The following HSPA12A variants were observed in gnomAD, a reference collection of about 807,000 sequenced individuals.
HSPA12A encodes the protein heat shock 70 kDa protein 12A.
Under a neutral mutation model 69.2 loss-of-function variants are expected in HSPA12A, and 28 were observed. The observed-to-expected ratio is 0.40, with a 90% CI of 0.30 to 0.55. HSPA12A has a LOEUF of 0.55. Ranked by LOEUF, HSPA12A falls within the 20% of genes least tolerant of loss-of-function variation. HSPA12A has a pLI of 0.38. For synonymous variants in HSPA12A, 345 were observed against 370.5 expected, an observed-to-expected ratio of 0.93 and a Z score of 0.79; for missense variants, 686 against 900.7, an observed-to-expected ratio of 0.76 and a Z score of 3.05.
chr10:116,747,856 G>A, intron 2 of HSPA12A, among the ~76,000 whole-genome samples: 1 of 152,034 alleles, frequency 6.6e-6, no homozygotes, highest in South Asian at 2.1e-4. Context: ...AAAATTAGCT[G>A]GGCATGGTGG....
chr10:116,764,729 A>T (rs1384713107), intron 2 of HSPA12A, among the ~76,000 whole-genome samples: 1 of 152,198 alleles, frequency 6.6e-6, no homozygotes, highest in Non-Finnish European at 1.5e-5. Flanking sequence ...ATTTAAATCC[A>T]AAGGGTTTTT....
intron 2 of HSPA12A, among the ~76,000 whole-genome samples, chr10:116,768,030 A>C (rs993860068): frequency 6.6e-6 from 1 of 152,212 alleles, no homozygotes; most frequent in Non-Finnish European, 1.5e-5. Context: ...CAAAAATCTA[A>C]GTTTACACAG....
At chr10:116,781,516 A>AG (rs1844463263) in intron 2 of HSPA12A, among the ~76,000 whole-genome samples, 1 of 152,028 alleles carries the variant, frequency 6.6e-6, no homozygotes, top group African/African-American at 2.4e-5. Context: ...AGGAGTGGGG[A>AG]GGGGTGGTGC....
intron 1 of HSPA12A, among the ~76,000 whole-genome samples, chr10:116,731,668 A>C (rs1462206333): frequency 2.0e-5 from 3 of 152,206 alleles, no homozygotes; most frequent in African/African-American, 7.2e-5. Context: ...CCTCACCTAG[A>C]AATTCTTTAC....
rs565817824 is a variant in HSPA12A, at chr10:116,734,865, G to A, written c.40+7565C>T. Reference sequence around the variant, plus strand: ...AAATTAGCCAGGCGTGGTGGTGGGCGAGTGTAGTCCCAGCTACTCGGGAGG... The same window carrying A: ...AAATTAGCCAGGCGTGGTGGTGGGCAAGTGTAGTCCCAGCTACTCGGGAGG... On this transcript the variant is annotated intron_variant, in intron 1 of 11. Coordinates refer to ENST00000369209, the MANE Select transcript of HSPA12A (RefSeq NM_025015.3). Among the ~76,000 whole-genome samples, 58 of 151,898 alleles carry A rather than the reference G, an allele frequency of 3.8e-4. 1 individual carries two copies. In the East Asian group the frequency reaches 9.8e-3, roughly 26 times the overall value.
At chr10:116,826,174 C>T (rs539912406) in intron 2 of HSPA12A, among the ~76,000 whole-genome samples, 31 of 152,244 alleles carry the variant, frequency 2.0e-4, no homozygotes, top group Admixed American at 1.4e-3. Context: ...GGGAAGCCTC[C>T]CCCGCCTCCC....
At chr10:116,730,461 G>C (rs1554885569) in intron 1 of HSPA12A, among the ~76,000 whole-genome samples, 2 of 152,190 alleles carry the variant, frequency 1.3e-5, no homozygotes, top group African/African-American at 4.8e-5. Flanking sequence ...CCCAGGCATG[G>C]GGTGTTGAGT....
At chr10:116,688,876 C>T (rs1406157310) in intron 6 of HSPA12A, among the ~76,000 whole-genome samples, 2 of 152,202 alleles carry the variant, frequency 1.3e-5, no homozygotes, top group African/African-American at 4.8e-5. Context: ...AGCTTCAGAA[C>T]AGTCTCCAGT....
At position 116,676,421 on chromosome 10, in the gene HSPA12A, G is replaced by A. The variant is rs781955087; in HGVS notation, c.1368C>T (p.Ile456=). Residue 456 remains isoleucine (I), a synonymous_variant, in exon 11 of 12, where the codon ATC becomes ATT. Coordinates refer to ENST00000369209, the MANE Select transcript of HSPA12A (RefSeq NM_025015.3). ...DAMNALFKPT[I]DSIIEHLRDL... Reference sequence around the variant, plus strand: ...TACGGAGATGCTCAATGATGCTATCGATGGTCGGCTTAAAAAGGGCGTTCA... The same window carrying A: ...TACGGAGATGCTCAATGATGCTATCAATGGTCGGCTTAAAAAGGGCGTTCA... 2.5e-6 allele frequency: 4 copies of A among 1,613,864 alleles called. No individual in the cohort carries two copies. The highest frequency in any genetic ancestry group is 3.4e-6 in the Non-Finnish European group (4 of 1,179,938).
intron 1 of HSPA12A, among the ~76,000 whole-genome samples, chr10:116,727,959 G>C (rs930607963): frequency 6.6e-6 from 1 of 151,504 alleles, no homozygotes; most frequent in East Asian, 1.9e-4. Context: ...TCACTCTGTC[G>C]CCACTGCACC....
intron 4 of HSPA12A, among the ~76,000 whole-genome samples, chr10:116,699,384 TA>T (rs1323583715): frequency 6.6e-6 from 1 of 151,900 alleles, no homozygotes; most frequent in Non-Finnish European, 1.5e-5. Context: ...CGGAGATCAT[TA>T]AAAAATGATG....
intron 2 of HSPA12A, among the ~76,000 whole-genome samples, chr10:116,780,526 ATTTATTTTAT>A (rs145237754): frequency 3.1e-4 from 46 of 148,462 alleles, no homozygotes; most frequent in Admixed American, 1.5e-3. Flanking sequence ...TAATTTTTTG[ATTTATTTTAT>A]TTTATTTTAT....
At chr10:116,703,911 CT>C (rs1424936696) in intron 3 of HSPA12A, among the ~76,000 whole-genome samples, 1 of 152,230 alleles carries the variant, frequency 6.6e-6, no homozygotes, top group Non-Finnish European at 1.5e-5. Flanking sequence ...CTGGCAGGTG[CT>C]TTTTGCCTCT....
intron 1 of HSPA12A, among the ~76,000 whole-genome samples, chr10:116,845,699 C>T (rs1046222590): frequency 2.0e-5 from 3 of 152,124 alleles, no homozygotes; most frequent in African/African-American, 7.2e-5. Flanking sequence ...CAGAGATGCT[C>T]TGGAAATGCC....
At chr10:116,758,641 T>TGTGTGATTGTGTG (rs1481721266) in intron 2 of HSPA12A, among the ~76,000 whole-genome samples, 2 of 152,172 alleles carry the variant, frequency 1.3e-5, no homozygotes, top group African/African-American at 2.4e-5. Context: ...TGTGTATACA[T>TGTGTGATTGTGTG]GTGTGATTGT....
intron 3 of HSPA12A, among the ~76,000 whole-genome samples, chr10:116,703,585 G>A (rs183215659): frequency 1.2e-4 from 18 of 151,994 alleles, no homozygotes; most frequent in African/African-American, 4.3e-4. Flanking sequence ...ATTAATCTAG[G>A]AGCAATACTA....
chr10:116,846,835 T>C (rs138845241), intron 1 of HSPA12A, among the ~76,000 whole-genome samples: 2 of 152,262 alleles, frequency 1.3e-5, no homozygotes, highest in East Asian at 1.9e-4. Flanking sequence ...CACAAACACA[T>C]ATATATGAAA....
chr10:116,691,011 G>C (rs978473699), intron 6 of HSPA12A, among the ~76,000 whole-genome samples: 1 of 152,212 alleles, frequency 6.6e-6, no homozygotes, highest in African/African-American at 2.4e-5. Flanking sequence ...TGACACTATG[G>C]AGCTTGTGCT....
intron 1 of HSPA12A, among the ~76,000 whole-genome samples, chr10:116,727,958 C>T (rs781950749): frequency 3.3e-5 from 5 of 151,562 alleles, no homozygotes; most frequent in Admixed American, 1.3e-4. Flanking sequence ...CTCACTCTGT[C>T]GCCACTGCAC....
Sources: gnomAD v4.1 joint callset for allele counts (sites outside exome capture counted in the v4.1 genomes callset) on GRCh38, gnomAD v4.1.1 for gene constraint, MANE v1.5 for transcripts, NCBI Gene and HGNC (gene_info 2026-07-23, HGNC 2026-07-21) for gene names.